Variants in CACNA1D observed in about 807,000 individuals in gnomAD.
CACNA1D encodes calcium voltage-gated channel subunit alpha1 D.
In CACNA1D, 55 loss-of-function variants were observed where a neutral mutation model predicts 257.1. The ratio of observed to expected loss-of-function variants is 0.21; its 90% CI spans 0.17 to 0.27. The LOEUF (loss-of-function observed/expected upper bound fraction) is 0.27. CACNA1D is among the 10% of genes least tolerant of loss of function. The pLI, the probability that CACNA1D is intolerant of heterozygous loss-of-function variation, is 1.00. For synonymous variants in CACNA1D, 980 were observed against 1,014.9 expected (o/e 0.97, Z 0.65); for missense variants, 1,876 against 2,784.0 (o/e 0.67, Z 7.34).
chr3:53,753,744 T>A, intron 29 of CACNA1D, 62 bp downstream of exon 29: 2 of 942,564 alleles, frequency 2.1e-6, no homozygotes, highest in South Asian at 1.3e-5. Flanking sequence ...AGTACCCGCT[T>A]CCTGTTAGTC....
intron 30 of CACNA1D, chr3:53,765,999 A>C (rs1248029148): frequency 1.3e-5 from 2 of 152,260 alleles, no homozygotes; most frequent in African/African-American, 4.8e-5. Context: ...GAAATGACCC[A>C]GCAACATACT....
intron 16 of CACNA1D, 164 bp from the exon 17 acceptor site, chr3:53,730,913 C>G (rs2094985148): frequency 3.2e-6 from 2 of 623,512 alleles, no homozygotes; most frequent in South Asian, 3.9e-5. Flanking sequence ...TTGAGATTAC[C>G]AGGAAGCTCT....
intron 3 of CACNA1D, among the ~76,000 whole-genome samples, chr3:53,514,931 A>G (rs1445071833): frequency 6.6e-6 from 1 of 152,180 alleles, no homozygotes; most frequent in Non-Finnish European, 1.5e-5. Flanking sequence ...GTGGTCATAG[A>G]GGGTTTTGCA....
intron 44 of CACNA1D, among the ~76,000 whole-genome samples, chr3:53,803,807 CT>C (rs2095548269): frequency 6.6e-6 from 1 of 152,198 alleles, no homozygotes; most frequent in African/African-American, 2.4e-5. Flanking sequence ...CCTCTGAGGC[CT>C]TTTAGTGAAG....
chr3:53,743,648 G>A (rs1431543971), intron 22 of CACNA1D, among the ~76,000 whole-genome samples: 2 of 152,212 alleles, frequency 1.3e-5, no homozygotes, highest in African/African-American at 4.8e-5. Flanking sequence ...CTTTTCCATG[G>A]CATTTAGCGA....
intron 8 of CACNA1D, among the ~76,000 whole-genome samples, chr3:53,691,387 G>A (rs1250954579): frequency 6.6e-6 from 1 of 151,908 alleles, no homozygotes; most frequent in African/African-American, 2.4e-5. Flanking sequence ...TGATCTGCCC[G>A]TCTCGGCCTC....
At position 53,751,789 on chromosome 3, in the gene CACNA1D, G is replaced by A. The variant is rs745599441; in HGVS notation, c.3557G>A (p.Arg1186Gln). 2.8e-5 allele frequency: 45 copies of A among 1,614,018 alleles called. No homozygotes were observed. The highest frequency in any genetic ancestry group is 3.6e-5 in the Non-Finnish European group (42 of 1,180,022). Residue 1186 changes from arginine (R) to glutamine (Q), a missense_variant, in exon 28 of 48, where the codon CGG (arginine) becomes CAG (glutamine). By Grantham distance (43) the Arg-to-Gln change is conservative. Around this residue, in one of 10 missense-constraint regions of CACNA1D, gnomAD observed 204 missense variants for 309.4 expected, o/e 0.66. Coordinates refer to ENST00000350061, the MANE Select transcript of CACNA1D (RefSeq NM_001128840.3). The surrounding 1 kb of genome is among the most constrained non-coding windows in gnomAD (Gnocchi z 4.3). ...TACGCCTTGAAAGCACGTCCCTTGC[G>A]GAGATACATCCCCAAAAACCCCTAC... ...VEYALKARPLRRYIPKNPYQY... is the reference protein window; with the variant it reads ...VEYALKARPLQRYIPKNPYQY...
At chr3:53,638,540 G>A (rs1012168863) in intron 3 of CACNA1D, among the ~76,000 whole-genome samples, 2 of 152,214 alleles carry the variant, frequency 1.3e-5, no homozygotes, top group Non-Finnish European at 1.5e-5. Context: ...AACTTGCCAT[G>A]GGGTTTGCCA....
chr3:53,759,494 G>A (rs927563901), intron 29 of CACNA1D, among the ~76,000 whole-genome samples: 2 of 152,256 alleles, frequency 1.3e-5, no homozygotes, highest in African/African-American at 4.8e-5. Context: ...CAGCAGGTGC[G>A]AAGGGCGAAC....
intron 29 of CACNA1D, among the ~76,000 whole-genome samples, chr3:53,759,232 A>G (rs985237915): frequency 2.0e-5 from 3 of 152,226 alleles, no homozygotes; most frequent in African/African-American, 7.2e-5. Flanking sequence ...TATTGTGTTG[A>G]TTTAAACGGA....
At position 53,718,373 on chromosome 3, in the gene CACNA1D, G is replaced by A. The variant is rs375512160; in HGVS notation, c.1463G>A (p.Cys488Tyr). Residue 488 changes from cysteine to tyrosine, a missense_variant, in exon 10 of 48, where the codon TGC (cysteine) becomes TAC (tyrosine). Cys to Tyr is a radical substitution (Grantham distance 194). Transcript: ENST00000350061. Reference sequence around the variant, plus strand: ...AGCGGTGAAGGCGAGAACCGAGGCTGCTGTGGAAGTCTCTGGTGAGTGTGG... The same window carrying A: ...AGCGGTGAAGGCGAGAACCGAGGCTACTGTGGAAGTCTCTGGTGAGTGTGG... ...NVSGEGENRG[C>Y]CGSLCQAISK... 6 of 1,613,772 alleles carry A rather than the reference G, an allele frequency of 3.7e-6. No individual in the cohort carries two copies. In the African/African-American group the frequency reaches 8.0e-5, roughly 22 times the overall value.
rs2090297976 is a variant in CACNA1D at position 53,495,332 on chromosome 3, G to A, written c.67+99G>A. 2.1e-6 allele frequency: 3 copies of A among 1,415,714 alleles called. No homozygotes were observed. The highest frequency in any genetic ancestry group is 3.0e-6 in the Non-Finnish European group (3 of 1,002,624). The allele number at this position is 1,415,714 out of a possible 1,614,324, so 87.7% of individuals were successfully genotyped here. On this transcript the variant is annotated intron_variant, in intron 1 of 47. Transcript: ENST00000350061. This position sits in a 1 kb window ranked among gnomAD's most constrained non-coding sequence, Gnocchi z 5.1. ...CCGCGGCGCTGGATGGGTTGAGGGG[G>A]TTGGAGAGGGTGCTGCCAGCTCGGT...
intron 32 of CACNA1D, among the ~76,000 whole-genome samples, chr3:53,771,434 C>T (rs1170375086): frequency 1.3e-5 from 2 of 152,196 alleles, no homozygotes; most frequent in South Asian, 2.1e-4. Flanking sequence ...GTTACCCTCC[C>T]AGTAAGCATT....
At chr3:53,642,519 A>C (rs760177625) in intron 3 of CACNA1D, among the ~76,000 whole-genome samples, 1 of 152,204 alleles carries the variant, frequency 6.6e-6, no homozygotes, top group African/African-American at 2.4e-5. Flanking sequence ...CTGGGTGGCA[A>C]GGCCATCATT....
At chr3:53,604,028 A>G (rs1212238501) in intron 3 of CACNA1D, among the ~76,000 whole-genome samples, 3 of 152,240 alleles carry the variant, frequency 2.0e-5, no homozygotes, top group Non-Finnish European at 4.4e-5. Context: ...TCATTAGGTA[A>G]TGCGGATGGA....
chr3:53,608,162 T>C (rs35489681), intron 3 of CACNA1D, among the ~76,000 whole-genome samples: 29 of 151,736 alleles, frequency 1.9e-4, no homozygotes, highest in Non-Finnish European at 3.5e-4. Flanking sequence ...TTAGATTTGA[T>C]TTAATTTTTT....
intron 9 of CACNA1D, among the ~76,000 whole-genome samples, chr3:53,715,076 A>G (rs1194021045): frequency 6.6e-6 from 1 of 152,108 alleles, no homozygotes; most frequent in Non-Finnish European, 1.5e-5. Context: ...TATTTTGGAA[A>G]AGGATCCTGT....
chr3:53,727,558 G>T (rs567386673), intron 15 of CACNA1D, among the ~76,000 whole-genome samples: 1 of 151,952 alleles, frequency 6.6e-6, no homozygotes, highest in East Asian at 1.9e-4. Context: ...TTTCCCTGTC[G>T]AGAGGCACCC....
intron 9 of CACNA1D, among the ~76,000 whole-genome samples, chr3:53,711,212 C>T (rs886184389): frequency 6.6e-6 from 1 of 152,330 alleles, no homozygotes; most frequent in South Asian, 2.1e-4. Context: ...CGCCATTACA[C>T]TCCAGCCTGG....
Sources: gnomAD v4.1 joint callset for allele counts (sites outside exome capture counted in the v4.1 genomes callset) on GRCh38, gnomAD v4.1.1 for gene constraint, gnomAD v4.1.1 regional missense constraint, Gnocchi (gnomAD v3.1) non-coding constraint, MANE v1.5 for transcripts, NCBI Gene and HGNC (gene_info 2026-07-23, HGNC 2026-07-21) for gene names.